Variants in NDFIP2 observed in about 807,000 individuals in gnomAD.
NDFIP2 encodes NEDD4 family-interacting protein 2.
A neutral mutation model predicts 36.0 loss-of-function variants in NDFIP2; 19 were observed. The observed-to-expected ratio is 0.53, with a 90% CI of 0.37 to 0.77. The LOEUF (loss-of-function observed/expected upper bound fraction) is 0.77. Among genes scored for constraint, NDFIP2 ranks in the 30% least tolerant of loss-of-function variants. The probability of loss-of-function intolerance (pLI) is 0.00; values close to 1 mark genes in which losing one functional copy is unlikely to be tolerated. For missense variants in NDFIP2, 446 were observed against 435.8 expected (o/e 1.02, Z -0.21); for synonymous variants, 181 against 167.7 (o/e 1.08, Z -0.61).
chr13:79,486,593 C>T (rs1428108883), intron 1 of NDFIP2, among the ~76,000 whole-genome samples: 1 of 152,120 alleles, frequency 6.6e-6, no homozygotes, highest in Non-Finnish European at 1.5e-5. Flanking sequence ...TGAACTTTGG[C>T]AAATTCAGAT....
chr13:79,510,989 ACT>A (rs1180878218), intron 1 of NDFIP2, among the ~76,000 whole-genome samples: 54 of 123,508 alleles, frequency 4.4e-4, no homozygotes, highest in African/African-American at 1.5e-3. Context: ...ACAGAGCGAG[ACT>A]CTGTCTCAAA....
intron 1 of NDFIP2, among the ~76,000 whole-genome samples, chr13:79,507,093 T>C (rs1376825859): frequency 6.6e-6 from 1 of 152,156 alleles, no homozygotes; most frequent in East Asian, 1.9e-4. Flanking sequence ...TCTTCAGTTC[T>C]GAATTTTATG....
chr13:79,499,434 T>C (rs1296647423), intron 1 of NDFIP2, among the ~76,000 whole-genome samples: 1 of 151,976 alleles, frequency 6.6e-6, no homozygotes, highest in Non-Finnish European at 1.5e-5. Flanking sequence ...GAAATAGAAT[T>C]GTCTTTGTTT....
chr13:79,507,525 C>CG lies in NDFIP2; in HGVS notation c.322-13283dup, dbSNP rs1298542386. 3.9e-4 allele frequency among the ~76,000 whole-genome samples: 13 copies of CG among 33,580 alleles called. 5 individuals carry two copies. The highest frequency in any genetic ancestry group is 3.0e-3 in the Admixed American group (9 of 2,984). 22.0% of individuals were successfully genotyped at this position (33,580 alleles called of 152,430 possible). On this transcript the variant is annotated intron_variant, in intron 1 of 7. Coordinates refer to ENST00000218652, the MANE Select transcript of NDFIP2 (RefSeq NM_019080.3). Reference sequence around the variant, plus strand: ...TCCTGACCTCGTGATCCGCCCGCCTCGGCCTCCCAAAGTGCTGGGATTACA... The same window carrying CG: ...TCCTGACCTCGTGATCCGCCCGCCTCGGGCCTCCCAAAGTGCTGGGATTACA...
chr13:79,547,764 G>T (rs1276951450), intron 5 of NDFIP2, among the ~76,000 whole-genome samples: 2 of 152,112 alleles, frequency 1.3e-5, no homozygotes, highest in Non-Finnish European at 2.9e-5. Context: ...GTTGGGAACT[G>T]AATGCTAGAG....
chr13:79,487,634 AT>A (rs898263706), intron 1 of NDFIP2, among the ~76,000 whole-genome samples: 3 of 152,142 alleles, frequency 2.0e-5, no homozygotes, highest in Non-Finnish European at 4.4e-5. Context: ...TTCCAAAGTC[AT>A]TATGCCATTT....
chr13:79,499,566 A>G (rs1873576215), intron 1 of NDFIP2, among the ~76,000 whole-genome samples: 1 of 152,006 alleles, frequency 6.6e-6, no homozygotes, highest in African/African-American at 2.4e-5. Flanking sequence ...TATACAAAAG[A>G]CTGTTTTCCT....
rs1407617651 is a variant in NDFIP2, at chr13:79,553,518, C to G, written c.*1005C>G. On this transcript the variant is annotated 3_prime_UTR_variant, in exon 8 of 8. Transcript: ENST00000218652. ...GTCTTTTAAAAGGCCAATAAAATATCTTTCAGTATCATTGTAATAATTTTT... is the reference window on the plus strand; with the variant it reads ...GTCTTTTAAAAGGCCAATAAAATATGTTTCAGTATCATTGTAATAATTTTT... 6.6e-6 allele frequency: 1 copy of G among 151,416 alleles called. No homozygotes were observed. The highest frequency in any genetic ancestry group is 1.5e-5 in the Non-Finnish European group (1 of 67,474). 9.4% of individuals were successfully genotyped at this position (151,416 alleles called of 1,614,324 possible). A position where few individuals can be genotyped will look rare whatever the true frequency, so the allele number is the denominator to read the frequency against.
At chr13:79,551,656 A>AT (rs1034652976) in intron 7 of NDFIP2, among the ~76,000 whole-genome samples, 1 of 151,464 alleles carries the variant, frequency 6.6e-6, no homozygotes, top group African/African-American at 2.4e-5. Flanking sequence ...ATGTGTGCTG[A>AT]TTTTTTATCA....
chr13:79,547,192 T>C (rs965780031), intron 5 of NDFIP2, among the ~76,000 whole-genome samples: 6 of 152,164 alleles, frequency 3.9e-5, no homozygotes, highest in Admixed American at 3.3e-4. Context: ...TTATTTGATA[T>C]GCTTACTAAA....
At chr13:79,501,543 G>A (rs1425079188) in intron 1 of NDFIP2, among the ~76,000 whole-genome samples, 1 of 151,996 alleles carries the variant, frequency 6.6e-6, no homozygotes, top group Non-Finnish European at 1.5e-5. Flanking sequence ...TTTGAGAGAG[G>A]GAAACAGAAA....
At chr13:79,492,959 A>G (rs1290481400) in intron 1 of NDFIP2, among the ~76,000 whole-genome samples, 1 of 152,000 alleles carries the variant, frequency 6.6e-6, no homozygotes, top group Non-Finnish European at 1.5e-5. Context: ...TATTTTCTTC[A>G]AAAAACCTTT....
intron 1 of NDFIP2, chr13:79,519,040 C>T (rs967696814): frequency 2.0e-5 from 3 of 152,224 alleles, no homozygotes; most frequent in African/African-American, 7.2e-5. Flanking sequence ...CACCTGAGCT[C>T]GAGCAGTCCG....
intron 2 of NDFIP2, among the ~76,000 whole-genome samples, chr13:79,523,562 T>C (rs1177761338): frequency 1.3e-5 from 2 of 152,218 alleles, no homozygotes; most frequent in Non-Finnish European, 2.9e-5. Flanking sequence ...TGATAAAGTT[T>C]AATGCATAAA....
intron 3 of NDFIP2, among the ~76,000 whole-genome samples, chr13:79,535,727 A>G (rs1875210003): frequency 6.6e-6 from 1 of 152,194 alleles, no homozygotes; most frequent in African/African-American, 2.4e-5. Flanking sequence ...CCTGATTGAG[A>G]TGAAAAATTG....
chr13:79,512,681 C>CT lies in NDFIP2; in HGVS notation c.322-8121dup, dbSNP rs973119527. On this transcript the variant is annotated intron_variant, in intron 1 of 7. Coordinates refer to ENST00000218652, the MANE Select transcript of NDFIP2 (RefSeq NM_019080.3). The stretch of plus-strand genomic sequence containing the variant: ...CTCAGATCTTCTGGGCCAATGAACC[C>CT]TTTTTTTTGGTCACATCCCAGTCTT... 1.3e-5 allele frequency among the ~76,000 whole-genome samples: 2 copies of CT among 152,012 alleles called. 1 individual carries two copies. The highest frequency in any genetic ancestry group is 1.3e-4 in the Admixed American group (2 of 15,272).
chr13:79,492,435 G>T (rs192015693), intron 1 of NDFIP2, among the ~76,000 whole-genome samples: 2 of 151,828 alleles, frequency 1.3e-5, no homozygotes, highest in Non-Finnish European at 2.9e-5. Flanking sequence ...GCAGAGTCTC[G>T]CTGTGTCACC....
At chr13:79,515,942 G>A (rs754519629) in intron 1 of NDFIP2, among the ~76,000 whole-genome samples, 3 of 150,490 alleles carry the variant, frequency 2.0e-5, no homozygotes, top group Non-Finnish European at 4.4e-5. Flanking sequence ...TTTTTGGGTG[G>A]GGGGCAGGGG....
At chr13:79,537,614 A>C (rs1485434863) in intron 3 of NDFIP2, among the ~76,000 whole-genome samples, 2 of 152,176 alleles carry the variant, frequency 1.3e-5, no homozygotes, top group African/African-American at 4.8e-5. Context: ...AATTTAAGGG[A>C]TCTTTGTGCC....
Sources: gnomAD v4.1 joint callset for allele counts (sites outside exome capture counted in the v4.1 genomes callset) on GRCh38, gnomAD v4.1.1 for gene constraint, MANE v1.5 for transcripts, NCBI Gene and HGNC (gene_info 2026-07-23, HGNC 2026-07-21) for gene names.